The following TMEFF2 variants were observed in gnomAD, a reference collection of about 807,000 sequenced individuals.
TMEFF2 encodes the protein tomoregulin-2.
A neutral mutation model predicts 53.8 loss-of-function variants in TMEFF2; 28 were observed. That is an observed-to-expected ratio of 0.52 (90% CI 0.39 to 0.71). The LOEUF (loss-of-function observed/expected upper bound fraction) is 0.71, where lower values mean the gene tolerates loss of function less well. TMEFF2 is among the 30% of genes least tolerant of loss of function. TMEFF2 has a pLI of 0.00. For missense variants in TMEFF2, 353 were observed against 455.2 expected (o/e 0.78, Z 2.04); for synonymous variants, 162 against 166.3 (o/e 0.97, Z 0.20).
At chr2:191,998,934 ATC>A in intron 6 of TMEFF2, 124 bp downstream of exon 6, 1 of 932,070 alleles carries the variant, frequency 1.1e-6, no homozygotes, top group Non-Finnish European at 1.6e-6. Flanking sequence ...AGACTCTACT[ATC>A]CATTGTAAAT....
At chr2:191,971,135 C>G (rs556587799) in intron 7 of TMEFF2, among the ~76,000 whole-genome samples, 1 of 152,178 alleles carries the variant, frequency 6.6e-6, no homozygotes, top group East Asian at 1.9e-4. Flanking sequence ...GTTAAGGATC[C>G]AATGTGAGTC....
At chr2:192,193,757 T>TAGAGAGAGAGAG (rs1491267223) in intron 1 of TMEFF2, among the ~76,000 whole-genome samples, 19 of 26,612 alleles carry the variant, frequency 7.1e-4, no homozygotes, top group African/African-American at 1.8e-3. Context: ...GAGAGATAGA[T>TAGAGAGAGAGAG]AGATAGAGAG....
chr2:192,009,064 T>A (rs1245962347), intron 5 of TMEFF2, among the ~76,000 whole-genome samples: 3 of 152,252 alleles, frequency 2.0e-5, no homozygotes, highest in Non-Finnish European at 2.9e-5. Flanking sequence ...TTTGTTTGGC[T>A]TATGTTTGTT....
chr2:192,148,734 CA>C (rs1160961284), intron 4 of TMEFF2, among the ~76,000 whole-genome samples: 1 of 151,996 alleles, frequency 6.6e-6, no homozygotes, highest in African/African-American at 2.4e-5. Flanking sequence ...CAGGAGAGTG[CA>C]GGTTACACAA....
Position 191,999,895 on chromosome 2 carries a change from C to G in TMEFF2, c.537-687G>C, listed in dbSNP as rs535957187. On this transcript the variant is annotated intron_variant, in intron 5 of 9. Coordinates refer to ENST00000272771, the MANE Select transcript of TMEFF2 (RefSeq NM_016192.4). ...CCCCTTTAAGCATATCCTATGAAAC[C>G]CCTTCCGAGATATACACTACTATTT... Among the ~76,000 whole-genome samples the G allele has an allele frequency of 1.2e-4, 17 of 142,118 alleles. No individual in the cohort carries two copies. The South Asian group carries it at 3.8e-3, about 32-fold the overall frequency. The allele number at this position is 142,118 out of a possible 152,430, so 93.2% of individuals were successfully genotyped here.
At chr2:191,954,941 A>G (rs1692018841) in intron 8 of TMEFF2, among the ~76,000 whole-genome samples, 1 of 152,110 alleles carries the variant, frequency 6.6e-6, no homozygotes, top group Non-Finnish European at 1.5e-5. Flanking sequence ...CTTCACTTTG[A>G]ATTTCTCATA....
intron 5 of TMEFF2, 27 bp from the exon 6 acceptor site, chr2:191,999,235 G>T (rs770880547): frequency 6.4e-7 from 1 of 1,554,596 alleles, no homozygotes; most frequent in Non-Finnish European, 8.8e-7. Flanking sequence ...ATAAAAACAT[G>T]TAACATCAAT....
intron 8 of TMEFF2, among the ~76,000 whole-genome samples, chr2:191,954,182 C>T (rs557619747): frequency 3.9e-4 from 60 of 152,080 alleles, no homozygotes; most frequent in Non-Finnish European, 3.4e-4. Flanking sequence ...CCACCGCGCC[C>T]GGCCTGCATT....
intron 4 of TMEFF2, among the ~76,000 whole-genome samples, chr2:192,159,534 T>G (rs1228596573): frequency 6.6e-6 from 1 of 152,174 alleles, no homozygotes; most frequent in East Asian, 1.9e-4. Flanking sequence ...TGACTTCATA[T>G]TCAGTTTACT....
intron 5 of TMEFF2, among the ~76,000 whole-genome samples, chr2:192,015,364 G>C (rs1303333025): frequency 7.9e-6 from 1 of 126,398 alleles, no homozygotes; most frequent in African/African-American, 2.8e-5. Flanking sequence ...ATGTATACAG[G>C]GTTTTAGATG....
At chr2:191,991,764 G>A (rs1302595853) in intron 7 of TMEFF2, among the ~76,000 whole-genome samples, 1 of 152,086 alleles carries the variant, frequency 6.6e-6, no homozygotes, top group Non-Finnish European at 1.5e-5. Context: ...TGCAGGATGC[G>A]TTTATGAACT....
At chr2:192,100,176 C>T (rs1043690241) in intron 4 of TMEFF2, among the ~76,000 whole-genome samples, 1 of 152,112 alleles carries the variant, frequency 6.6e-6, no homozygotes, top group African/African-American at 2.4e-5. Flanking sequence ...TGAGTGCCTA[C>T]AGAGACTGGT....
intron 4 of TMEFF2, among the ~76,000 whole-genome samples, chr2:192,144,771 T>C (rs1238656811): frequency 6.6e-6 from 1 of 152,068 alleles, no homozygotes; most frequent in African/African-American, 2.4e-5. Flanking sequence ...ATAATGTTCC[T>C]GTACATGCTG....
At position 191,949,391 on chromosome 2, in the gene TMEFF2, G is replaced by A. The variant is rs1201309947; in HGVS notation, c.*920C>T. 1.5e-5 allele frequency: 15 copies of A among 985,118 alleles called. No individual in the cohort carries two copies. The highest frequency in any genetic ancestry group is 1.8e-5 in the Non-Finnish European group (15 of 829,864). 61.0% of individuals were successfully genotyped at this position (985,118 alleles called of 1,614,324 possible). ...GCATTAGCCACAAAGCTATTCATGG[G>A]GTATTGGTTGTGATTCTAACTTCTT... On this transcript the variant is annotated 3_prime_UTR_variant, in exon 10 of 10. Coordinates refer to ENST00000272771, the MANE Select transcript of TMEFF2 (RefSeq NM_016192.4).
intron 7 of TMEFF2, among the ~76,000 whole-genome samples, chr2:191,988,841 G>C (rs1018582941): frequency 6.6e-6 from 1 of 151,876 alleles, no homozygotes; most frequent in Admixed American, 6.6e-5. Flanking sequence ...ATATTTTACA[G>C]GAACATTACG....
At chr2:192,140,934 A>G (rs186306287) in intron 4 of TMEFF2, among the ~76,000 whole-genome samples, 20 of 152,258 alleles carry the variant, frequency 1.3e-4, no homozygotes, top group Middle Eastern at 3.4e-3. Flanking sequence ...TTAATTCAAT[A>G]ACTATTTATG....
chr2:192,069,134 T>C (rs1375427833), intron 4 of TMEFF2, among the ~76,000 whole-genome samples: 1 of 151,802 alleles, frequency 6.6e-6, no homozygotes, highest in Non-Finnish European at 1.5e-5. Flanking sequence ...ATTTCATCTC[T>C]ACAATTTCTC....
At chr2:192,068,397 A>AT (rs1688213849) in intron 4 of TMEFF2, among the ~76,000 whole-genome samples, 1 of 151,944 alleles carries the variant, frequency 6.6e-6, no homozygotes, top group Non-Finnish European at 1.5e-5. Flanking sequence ...ACAAAACAGC[A>AT]TAACAAAAAC....
intron 2 of TMEFF2, 125 bp downstream of exon 2, chr2:192,191,755 T>C (rs2106051159): frequency 3.2e-6 from 2 of 631,310 alleles, no homozygotes; most frequent in South Asian, 2.1e-5. Flanking sequence ...CTAGTACTTT[T>C]GCTTGGTGCC....
Sources: allele counts gnomAD v4.1 joint callset (sites outside exome capture counted in the v4.1 genomes callset), GRCh38; gene constraint gnomAD v4.1.1; transcripts MANE v1.5; gene names NCBI Gene and HGNC (gene_info 2026-07-23, HGNC 2026-07-21).